The following STEAP4 variants were observed in gnomAD, a reference collection of about 807,000 sequenced individuals.
The protein encoded by STEAP4 is metalloreductase STEAP4.
A neutral mutation model predicts 43.6 loss-of-function variants in STEAP4; 36 were observed. That is an observed-to-expected ratio of 0.83 (90% confidence interval 0.63 to 1.09). The LOEUF is 1.09. STEAP4 is among the 50% of genes least tolerant of loss of function. The pLI, the probability that STEAP4 is intolerant of heterozygous loss-of-function variation, is 0.00. For missense variants in STEAP4, 495 were observed against 546.5 expected (o/e 0.91, Z 0.94); for synonymous variants, 191 against 196.7 (o/e 0.97, Z 0.24).
chr7:88,284,921 A>G (rs1852702163), intron 1 of STEAP4, among the ~76,000 whole-genome samples: 1 of 152,198 alleles, frequency 6.6e-6, no homozygotes, highest in African/African-American at 2.4e-5. Flanking sequence ...AAAATTCAGC[A>G]TTATGCCTAA....
At position 88,283,026 on chromosome 7, in the gene STEAP4, C is replaced by G. The variant is rs772799297; in HGVS notation, c.599G>C (p.Trp200Ser). Residue 200 changes from tryptophan (W) to serine (S), a missense_variant, in exon 3 of 5, where the codon TGG (tryptophan) becomes TCG (serine). Physicochemically the swap from Trp to Ser is radical, Grantham distance 177. Coordinates refer to ENST00000380079, the MANE Select transcript of STEAP4 (RefSeq NM_024636.4). ...AGCAGACAAATAGAAGGGGAACCTC[C>G]ACATTGGAAATAGCTGCAGGGGGTA... ...EKYPLQLFPMWRFPFYLSAVL... is the reference protein window; with the variant it reads ...EKYPLQLFPMSRFPFYLSAVL... 2 of 1,613,852 alleles carry G rather than the reference C, an allele frequency of 1.2e-6. No homozygotes were observed. The highest frequency in any genetic ancestry group is 1.7e-6 in the Non-Finnish European group (2 of 1,179,906).
intron 1 of STEAP4, among the ~76,000 whole-genome samples, chr7:88,300,714 G>C (rs967642432): frequency 6.6e-6 from 1 of 152,060 alleles, no homozygotes; most frequent in Non-Finnish European, 1.5e-5. Flanking sequence ...CATACCACTG[G>C]TTCTTCCCCT....
rs1476574949 is a variant in STEAP4 at position 88,274,534 on chromosome 7, T to G, written c.*4864A>C. On this transcript the variant is annotated 3_prime_UTR_variant, in exon 5 of 5. Transcript: ENST00000380079. ...AATGCATATGTTACCAGAAAGGGGG[T>G]CCAATACAGACCCCAAGAGAGAGTT... The G allele has an allele frequency of 6.6e-6, 1 of 151,762 alleles. No homozygotes were observed. The highest frequency in any genetic ancestry group is 2.4e-5 in the African/African-American group (1 of 41,256). The allele number at this position is 151,762 out of a possible 1,614,324, so 9.4% of individuals were successfully genotyped here. A position where few individuals can be genotyped will look rare whatever the true frequency, so the allele number is the denominator to read the frequency against.
intron 1 of STEAP4, among the ~76,000 whole-genome samples, chr7:88,285,053 C>T (rs1045759403): frequency 9.9e-5 from 15 of 151,860 alleles, no homozygotes; most frequent in African/African-American, 3.4e-4. Flanking sequence ...ATCAGAGGTA[C>T]AGAAATTCAA....
chr7:88,284,438 C>T (rs1852689768), intron 1 of STEAP4, among the ~76,000 whole-genome samples, 167 bp from the exon 2 acceptor site: 1 of 151,952 alleles, frequency 6.6e-6, no homozygotes, highest in Non-Finnish European at 1.5e-5. Flanking sequence ...TATATATTTC[C>T]CCCCAAATTT....
intron 1 of STEAP4, among the ~76,000 whole-genome samples, chr7:88,300,105 C>T (rs1489867820): frequency 6.6e-6 from 1 of 152,216 alleles, no homozygotes; most frequent in Non-Finnish European, 1.5e-5. Context: ...CTTGAAATTC[C>T]TTCTTCTAAC....
chr7:88,293,511 A>G (rs901118224), intron 1 of STEAP4, among the ~76,000 whole-genome samples: 1 of 152,034 alleles, frequency 6.6e-6, no homozygotes, highest in Non-Finnish European at 1.5e-5. Context: ...TTGCGCTTTC[A>G]GTATCTTACC....
intron 3 of STEAP4, among the ~76,000 whole-genome samples, chr7:88,281,326 A>C (rs1453546552): frequency 6.6e-6 from 1 of 152,164 alleles, no homozygotes; most frequent in Non-Finnish European, 1.5e-5. Flanking sequence ...TTTCCCTGTA[A>C]ATTCTAAAAG....
At position 88,272,420 on chromosome 7, in the gene STEAP4, AT is replaced by A. The variant is rs2115922418; in HGVS notation, c.*6977del. On this transcript the variant is annotated 3_prime_UTR_variant, in exon 5 of 5. Coordinates refer to ENST00000380079, the MANE Select transcript of STEAP4 (RefSeq NM_024636.4). Reference sequence around the variant, plus strand: ...ATTCCCAGTATCTAATAATTTGATGATTTTTAACTTCCAGTATAAACTCTTT... The same window carrying A: ...ATTCCCAGTATCTAATAATTTGATGATTTTAACTTCCAGTATAAACTCTTT... 6.6e-6 allele frequency: 1 copy of A among 152,192 alleles called. No individual in the cohort carries two copies. The highest frequency in any genetic ancestry group is 2.1e-4 in the South Asian group (1 of 4,820). 9.4% of individuals were successfully genotyped at this position (152,192 alleles called of 1,614,324 possible).
At chr7:88,289,055 C>T (rs1044349498) in intron 1 of STEAP4, among the ~76,000 whole-genome samples, 5 of 149,552 alleles carry the variant, frequency 3.3e-5, no homozygotes, top group African/African-American at 1.2e-4. Context: ...TTGGTGCATG[C>T]ATGCGCGTGT....
chr7:88,292,803 T>A (rs1852856532), intron 1 of STEAP4: 1 of 152,204 alleles, frequency 6.6e-6, no homozygotes, highest in Admixed American at 6.5e-5. Context: ...GCAAGCCTTT[T>A]GAGACTAGCA....
chr7:88,295,108 T>C (rs1265757334), intron 1 of STEAP4, among the ~76,000 whole-genome samples: 2 of 152,148 alleles, frequency 1.3e-5, no homozygotes, highest in African/African-American at 2.4e-5. Context: ...GTTTCAATCA[T>C]CACAACATAA....
At chr7:88,295,025 TA>T (rs981657564) in intron 1 of STEAP4, among the ~76,000 whole-genome samples, 1 of 152,188 alleles carries the variant, frequency 6.6e-6, no homozygotes, top group Non-Finnish European at 1.5e-5. Flanking sequence ...ATTTAAAATG[TA>T]AAAAAGTTTT....
rs1240315278 is a variant in STEAP4, at chr7:88,276,512, A to G, written c.*2886T>C. On this transcript the variant is annotated 3_prime_UTR_variant, in exon 5 of 5. Coordinates refer to ENST00000380079, the MANE Select transcript of STEAP4 (RefSeq NM_024636.4). ...GGGGAAAGTGTACAAAAATAATGTG[A>G]AAGTGTAAAAATTTTTCTAGAATAC... is the stretch of plus-strand genomic sequence containing the variant. The G allele has an allele frequency of 1.3e-5, 2 of 152,248 alleles. No homozygotes were observed. Among genetic ancestry groups the G allele is most frequent in the African/African-American group, 2.4e-5 (1 of 41,464 alleles). The allele number at this position is 152,248 out of a possible 1,614,324, so 9.4% of individuals were successfully genotyped here.
rs1256751976 is a variant in STEAP4 at position 88,273,201 on chromosome 7, A to G, written c.*6197T>C. On this transcript the variant is annotated 3_prime_UTR_variant, in exon 5 of 5. Transcript: ENST00000380079. ...TCATCCTACAGAGCTATGGAACACT[A>G]AAACTTATTTATTTTGCTGTAATGA... 1 of 152,248 alleles carries G rather than the reference A, an allele frequency of 6.6e-6. No individual in the cohort carries two copies. The highest frequency in any genetic ancestry group is 1.9e-4 in the East Asian group (1 of 5,202). The allele number at this position is 152,248 out of a possible 1,614,324, so 9.4% of individuals were successfully genotyped here.
At position 88,275,886 on chromosome 7, in the gene STEAP4, T is replaced by C. The variant is rs1852506553; in HGVS notation, c.*3512A>G. 1 of 152,198 alleles carries C rather than the reference T, an allele frequency of 6.6e-6. No individual in the cohort carries two copies. The highest frequency in any genetic ancestry group is 2.4e-5 in the African/African-American group (1 of 41,434). The allele number at this position is 152,198 out of a possible 1,614,324, so 9.4% of individuals were successfully genotyped here. A position where few individuals can be genotyped will look rare whatever the true frequency, so the allele number is the denominator to read the frequency against. The stretch of plus-strand genomic sequence containing the variant: ...GAAATGGCTTTTTCAGTAGGGGCTT[T>C]CCATTTGCTTCCAGCTTCCTCCAGG... On this transcript the variant is annotated 3_prime_UTR_variant, in exon 5 of 5. Transcript: ENST00000380079.
intron 1 of STEAP4, among the ~76,000 whole-genome samples, chr7:88,302,836 T>G (rs1377369970): frequency 2.6e-5 from 4 of 151,274 alleles, no homozygotes; most frequent in Non-Finnish European, 5.9e-5. Flanking sequence ...TGCCTTTAAT[T>G]CTAGCTACTC....
chr7:88,288,913 A>G (rs1175399012), intron 1 of STEAP4, among the ~76,000 whole-genome samples: 1 of 152,222 alleles, frequency 6.6e-6, no homozygotes, highest in Non-Finnish European at 1.5e-5. Context: ...ACCAGTTTGT[A>G]TGATCTCCTG....
chr7:88,294,759 A>T (rs934668490), intron 1 of STEAP4, among the ~76,000 whole-genome samples: 5 of 152,190 alleles, frequency 3.3e-5, no homozygotes, highest in African/African-American at 1.2e-4. Flanking sequence ...AGATAAAAAT[A>T]TATAAATACC....
Sources: allele counts gnomAD v4.1 joint callset (sites outside exome capture counted in the v4.1 genomes callset), GRCh38; gene constraint gnomAD v4.1.1; transcripts MANE v1.5; gene names NCBI Gene and HGNC (gene_info 2026-07-23, HGNC 2026-07-21).